The following TTC7B variants were observed in gnomAD, a reference collection of about 807,000 sequenced individuals.
TTC7B encodes the protein tetratricopeptide repeat protein 7B.
Under a neutral mutation model 106.8 loss-of-function variants are expected in TTC7B, and 28 were observed. The observed-to-expected ratio is 0.26, with a 90% CI of 0.19 to 0.36. TTC7B has a LOEUF of 0.36. Among genes scored for constraint, TTC7B ranks in the 10% least tolerant of loss-of-function variants. The pLI, the probability that TTC7B is intolerant of heterozygous loss-of-function variation, is 1.00. For missense variants in TTC7B, 862 were observed against 1,076.4 expected (o/e 0.80, Z 2.79); for synonymous variants, 405 against 430.6 (o/e 0.94, Z 0.74).
intron 13 of TTC7B, among the ~76,000 whole-genome samples, chr14:90,648,186 A>G (rs61987031): frequency 3.5e-4 from 54 of 152,154 alleles, no homozygotes; most frequent in Non-Finnish European, 6.2e-4. Context: ...AGGCAAAGCT[A>G]ATCTCTGTCC....
intron 18 of TTC7B, among the ~76,000 whole-genome samples, chr14:90,590,363 G>A (rs557842528): frequency 6.6e-6 from 1 of 152,250 alleles, no homozygotes; most frequent in South Asian, 2.1e-4. Flanking sequence ...ATCTCCGAGT[G>A]ACCTTTCCTG....
intron 5 of TTC7B, among the ~76,000 whole-genome samples, chr14:90,719,574 G>A (rs1432039891): frequency 6.6e-6 from 1 of 152,178 alleles, no homozygotes; most frequent in Non-Finnish European, 1.5e-5. Context: ...CCTACCCAAT[G>A]TGAGTCTCAT....
chr14:90,584,147 T>G (rs898850489), intron 18 of TTC7B, among the ~76,000 whole-genome samples: 1 of 152,188 alleles, frequency 6.6e-6, no homozygotes, highest in Admixed American at 6.5e-5. Flanking sequence ...TAACTCTGCC[T>G]TGCGCACAGA....
intron 5 of TTC7B, among the ~76,000 whole-genome samples, chr14:90,728,040 T>C (rs1356950587): frequency 6.6e-6 from 1 of 152,202 alleles, no homozygotes; most frequent in Non-Finnish European, 1.5e-5. Flanking sequence ...GCACTTGGCA[T>C]GTTCAAAACC....
chr14:90,789,269 T>C (rs1223973060), intron 1 of TTC7B, among the ~76,000 whole-genome samples: 1 of 152,090 alleles, frequency 6.6e-6, no homozygotes, highest in Non-Finnish European at 1.5e-5. Context: ...CAGCTAATTT[T>C]GTATTTTTAG....
intron 6 of TTC7B, among the ~76,000 whole-genome samples, chr14:90,694,546 C>G (rs192903978): frequency 6.7e-6 from 1 of 149,076 alleles, no homozygotes; most frequent in Non-Finnish European, 1.5e-5. Context: ...AAAGGGCTTG[C>G]GCAAGTTCAC....
chr14:90,647,935 T>A (rs1185866453), intron 13 of TTC7B, among the ~76,000 whole-genome samples: 1 of 151,970 alleles, frequency 6.6e-6, no homozygotes, highest in Non-Finnish European at 1.5e-5. Context: ...TAAAGGAGGA[T>A]CTTCTACCAG....
Position 90,680,461 on chromosome 14 carries a change from A to G in TTC7B, c.1014+11T>C, listed in dbSNP as rs370925981. The G allele has an allele frequency of 6.2e-7, 1 of 1,611,688 alleles. No homozygotes were observed. The highest frequency in any genetic ancestry group is 8.5e-7 in the Non-Finnish European group (1 of 1,177,996). The stretch of plus-strand genomic sequence containing the variant: ...AGGGGAAAGAACGATGTAAAAACAC[A>G]TTCCACTTACCATTGATTCACTAAT... On this transcript the variant is annotated intron_variant, in intron 8 of 19. Transcript: ENST00000328459.
At chr14:90,745,029 T>C in intron 3 of TTC7B, 107 bp from the exon 4 acceptor site, 2 of 1,115,680 alleles carry the variant, frequency 1.8e-6, no homozygotes, top group African/African-American at 1.6e-5. Context: ...TATCATGTTG[T>C]TTGCAAATAG....
intron 5 of TTC7B, among the ~76,000 whole-genome samples, chr14:90,729,006 G>A (rs2139987424): frequency 6.6e-6 from 1 of 152,354 alleles, no homozygotes; most frequent in Middle Eastern, 3.4e-3. Context: ...AGTGGCAGAT[G>A]AGATCGAATG....
At chr14:90,680,348 A>C in intron 8 of TTC7B, 124 bp downstream of exon 8, 1 of 683,314 alleles carries the variant, frequency 1.5e-6, no homozygotes, top group East Asian at 2.7e-5. Flanking sequence ...TTTCCCATCC[A>C]GGTATACCCT....
chr14:90,644,122 C>T lies in TTC7B; in HGVS notation c.1677G>A (p.Leu559=). The T allele has an allele frequency of 1.2e-6, 2 of 1,614,104 alleles. No individual in the cohort carries two copies. Among genetic ancestry groups the T allele is most frequent in the South Asian group, 1.1e-5 (1 of 91,076 alleles). ...ANSLHLLALL[L]SAQKHYHDAL... ...CGTCATGGTAATGCTTCTGTGCTGA[C>T]AGCAGGAGGGCAAGGAGGTGCAGGG... is the stretch of plus-strand genomic sequence containing the variant. The change falls in exon 15 of 20, where the codon CTG becomes CTA. Residue 559 remains leucine (L), a synonymous_variant. Transcript: ENST00000328459.
Position 90,753,718 on chromosome 14 carries a change from T to C in TTC7B, c.446-8796A>G, listed in dbSNP as rs1890203495. ...TCTCTTGGCTGGGAGCCACAGTTGG[T>C]CCCTTCTGAGTGCTTTCCTGAATTG... is the stretch of plus-strand genomic sequence containing the variant. On this transcript the variant is annotated intron_variant, in intron 3 of 19. Transcript: ENST00000328459. Among the ~76,000 whole-genome samples, 3 of 152,200 alleles carry C rather than the reference T, an allele frequency of 2.0e-5. No homozygotes were observed. The South Asian group carries it at 6.2e-4, about 31-fold the overall frequency.
rs566550621 is a variant in TTC7B, at chr14:90,733,936, A to G, written c.577-3740T>C. 6.6e-5 allele frequency among the ~76,000 whole-genome samples: 10 copies of G among 152,358 alleles called. No homozygotes were observed. The South Asian group carries it at 8.3e-4, about 13-fold the overall frequency. On this transcript the variant is annotated intron_variant, in intron 4 of 19. Transcript: ENST00000328459. The stretch of plus-strand genomic sequence containing the variant: ...CATACATTATTATACAAATATTATA[A>G]TCCTTAATGGAGTTATATTAACTGC...
chr14:90,560,492 A>G (rs1890523861), intron 19 of TTC7B, among the ~76,000 whole-genome samples: 1 of 152,222 alleles, frequency 6.6e-6, no homozygotes, highest in Non-Finnish European at 1.5e-5. Flanking sequence ...GGTTGAGGGG[A>G]GCAACACAAA....
At chr14:90,671,682 A>T (rs1435450816) in intron 9 of TTC7B, among the ~76,000 whole-genome samples, 1 of 152,244 alleles carries the variant, frequency 6.6e-6, no homozygotes, top group African/African-American at 2.4e-5. Flanking sequence ...AACTCACAGC[A>T]CTGGAGATAT....
rs952946334 is a variant in TTC7B, at chr14:90,524,771, C to T, written c.*16597G>A. 6.6e-6 allele frequency: 1 copy of T among 152,148 alleles called. No individual in the cohort carries two copies. The highest frequency in any genetic ancestry group is 2.4e-5 in the African/African-American group (1 of 41,446). 9.4% of individuals were successfully genotyped at this position (152,148 alleles called of 1,614,324 possible). On this transcript the variant is annotated 3_prime_UTR_variant, in exon 20 of 20. Transcript: ENST00000328459. ...TTCTGGCTAGAAACAGGGCTCACCT[C>T]GGTCTCCTCCTAAGCCTGGAGCTCT...
At position 90,534,390 on chromosome 14, in the gene TTC7B, G is replaced by C. The variant is rs1257013034; in HGVS notation, c.*6978C>G. The stretch of plus-strand genomic sequence containing the variant: ...CGGCTGCTACTGCCCGCCTCCCCCG[G>C]AGGACTCCGGCCAGGCCTCAAAGGC... On this transcript the variant is annotated 3_prime_UTR_variant, in exon 20 of 20. Transcript: ENST00000328459. 1 of 152,450 alleles carries C rather than the reference G, an allele frequency of 6.6e-6. No homozygotes were observed. Among genetic ancestry groups the C allele is most frequent in the Non-Finnish European group, 1.5e-5 (1 of 68,244 alleles). The allele number at this position is 152,450 out of a possible 1,614,324, so 9.4% of individuals were successfully genotyped here.
chr14:90,634,816 A>G (rs978625811), intron 15 of TTC7B, among the ~76,000 whole-genome samples: 4 of 152,138 alleles, frequency 2.6e-5, no homozygotes, highest in Admixed American at 2.6e-4. Flanking sequence ...TATATGAAGA[A>G]AGAATAGCTG....
Sources: allele counts gnomAD v4.1 joint callset (sites outside exome capture counted in the v4.1 genomes callset), GRCh38; gene constraint gnomAD v4.1.1; transcripts MANE v1.5; gene names NCBI Gene and HGNC (gene_info 2026-07-23, HGNC 2026-07-21).